The following NTN4 variants were observed in gnomAD, a reference collection of about 807,000 sequenced individuals.
NTN4 encodes netrin-4.
NTN4 carries 32 observed loss-of-function variants against 73.6 expected under a neutral mutation model. The observed-to-expected ratio is 0.44, with a 90% CI of 0.33 to 0.58. NTN4 has a LOEUF of 0.58. Ranked by LOEUF, NTN4 falls within the 20% of genes least tolerant of loss-of-function variation. The pLI is 0.04. For synonymous variants in NTN4, 258 were observed against 287.5 expected, an observed-to-expected ratio of 0.90 and a Z score of 1.04; for missense variants, 654 against 798.3, an observed-to-expected ratio of 0.82 and a Z score of 2.18.
intron 2 of NTN4, among the ~76,000 whole-genome samples, chr12:95,746,386 A>AC (rs138404936): frequency 2.2e-4 from 33 of 151,132 alleles, no homozygotes; most frequent in East Asian, 1.2e-3. Flanking sequence ...TTTTAACTAG[A>AC]CCCCCCCCTC....
chr12:95,734,675 T>C (rs1287845951), intron 3 of NTN4, among the ~76,000 whole-genome samples: 1 of 152,218 alleles, frequency 6.6e-6, no homozygotes, highest in East Asian at 1.9e-4. Context: ...TCTATGCCTA[T>C]GTTCCTAATA....
At chr12:95,721,944 T>C (rs974180677) in intron 3 of NTN4, among the ~76,000 whole-genome samples, 19 of 151,978 alleles carry the variant, frequency 1.3e-4, no homozygotes, top group Non-Finnish European at 1.9e-4. Flanking sequence ...ACACACACAC[T>C]CACACACAAA....
intron 5 of NTN4, among the ~76,000 whole-genome samples, chr12:95,691,842 T>A (rs967696769): frequency 7.9e-5 from 12 of 152,266 alleles, no homozygotes; most frequent in African/African-American, 2.9e-4. Flanking sequence ...TAACCAGGTA[T>A]ATTTAGAAGC....
At chr12:95,721,897 G>T (rs2078650505) in intron 3 of NTN4, among the ~76,000 whole-genome samples, 1 of 152,102 alleles carries the variant, frequency 6.6e-6, no homozygotes, top group South Asian at 2.1e-4. Context: ...AGAGTATTCA[G>T]AAGTGCAAGT....
chr12:95,707,735 T>G (rs554353135), intron 5 of NTN4, among the ~76,000 whole-genome samples: 3 of 152,178 alleles, frequency 2.0e-5, no homozygotes, highest in Admixed American at 6.5e-5. Flanking sequence ...TAGTAGGCGC[T>G]CAATAAAAGT....
intron 7 of NTN4, among the ~76,000 whole-genome samples, chr12:95,682,071 T>TTTTTTTTTTTTTTTTG: frequency 7.3e-6 from 1 of 136,302 alleles, no homozygotes. Context: ...TTTTTTTTTT[T>TTTTTTTTTTTTTTTTG]TTTTTTTTTG....
chr12:95,713,942 A>C (rs1220757740), intron 3 of NTN4, among the ~76,000 whole-genome samples: 1 of 152,146 alleles, frequency 6.6e-6, no homozygotes, highest in East Asian at 1.9e-4. Context: ...TCAATGCTAT[A>C]ATGAATATCA....
At chr12:95,701,269 A>T (rs547533167) in intron 5 of NTN4, among the ~76,000 whole-genome samples, 95 of 152,374 alleles carry the variant, frequency 6.2e-4, no homozygotes, top group African/African-American at 2.2e-3. Flanking sequence ...ACCTCAGTAC[A>T]CAGTGAGAAT....
chr12:95,700,819 T>TTC, intron 5 of NTN4, among the ~76,000 whole-genome samples: 32 of 146,476 alleles, frequency 2.2e-4, no homozygotes, highest in African/African-American at 7.8e-4. Context: ...TCTTTCTTTT[T>TTC]TTTTTTTTTT....
At chr12:95,761,285 A>G (rs1417520169) in intron 2 of NTN4, among the ~76,000 whole-genome samples, 1 of 149,942 alleles carries the variant, frequency 6.7e-6, no homozygotes, top group Non-Finnish European at 1.5e-5. Context: ...TTCTGTGCAT[A>G]GTAAAAGTGA....
chr12:95,763,626 C>T (rs1034478443), intron 2 of NTN4, among the ~76,000 whole-genome samples: 3 of 152,220 alleles, frequency 2.0e-5, no homozygotes, highest in East Asian at 1.9e-4. Flanking sequence ...CTCTGTAACT[C>T]GTAAGCACAT....
chr12:95,751,602 GCTCT>G (rs1226560280), intron 2 of NTN4, among the ~76,000 whole-genome samples: 1 of 151,978 alleles, frequency 6.6e-6, no homozygotes, highest in Non-Finnish European at 1.5e-5. Context: ...CTGGCCCAAG[GCTCT>G]CTGACTGACT....
intron 2 of NTN4, among the ~76,000 whole-genome samples, chr12:95,738,936 AC>A (rs2078802557): frequency 6.6e-6 from 1 of 151,816 alleles, no homozygotes; most frequent in African/African-American, 2.4e-5. Context: ...TGCTTAAACC[AC>A]CCCCACCTGA....
intron 2 of NTN4, among the ~76,000 whole-genome samples, chr12:95,774,298 ACT>A (rs1289395357): frequency 6.6e-6 from 1 of 151,766 alleles, no homozygotes; most frequent in Non-Finnish European, 1.5e-5. Context: ...CTATTATTTG[ACT>A]CTGTGTTATT....
intron 7 of NTN4, chr12:95,672,729 T>C: frequency 1.4e-6 from 2 of 1,410,056 alleles, no homozygotes; most frequent in Non-Finnish European, 2.0e-6. Context: ...ATCGTAGGTA[T>C]GCAGACCTCA....
At position 95,691,677 on chromosome 12, in the gene NTN4, G is replaced by T. The variant is rs181352662; in HGVS notation, c.1181-7966C>A. ...CCCAAAGTGTTGGGATTACAGGCGT[G>T]AGCCACCATGCCCGGCCTGTCTTCT... On this transcript the variant is annotated intron_variant, in intron 5 of 9. Coordinates refer to ENST00000343702, the MANE Select transcript of NTN4 (RefSeq NM_021229.4). Among the ~76,000 whole-genome samples, 3 of 152,270 alleles carry T rather than the reference G, an allele frequency of 2.0e-5. 1 individual carries two copies. Among genetic ancestry groups the T allele is most frequent in the Admixed American group, 2.0e-4 (3 of 15,290 alleles).
intron 2 of NTN4, among the ~76,000 whole-genome samples, chr12:95,747,879 T>A (rs2078873311): frequency 6.6e-6 from 1 of 152,072 alleles, no homozygotes; most frequent in Non-Finnish European, 1.5e-5. Flanking sequence ...TATCTTAATT[T>A]TTATGGTAAT....
Position 95,790,266 on chromosome 12 carries a change from A to T in NTN4, c.44T>A (p.Val15Glu). ...ARLLLLWGCT[V>E]VAAGLSGVAG... ...GCGTCACCACCCACCTGCGGCCACC[A>T]CCGTGCAGCCCCAGAGCAGCAGCAG... is the stretch of plus-strand genomic sequence containing the variant. Residue 15 changes from valine (V) to glutamate (E), a missense_variant, in exon 1 of 10, where the codon GTG (valine) becomes GAG (glutamate). Physicochemically the swap from Val to Glu is moderately radical, Grantham distance 121 (BLOSUM62 -2). Transcript: ENST00000343702. This position sits in a 1 kb window ranked among gnomAD's most constrained non-coding sequence, Gnocchi z 6.5. The T allele has an allele frequency of 4.6e-6, 7 of 1,536,086 alleles. No individual in the cohort carries two copies. The highest frequency in any genetic ancestry group is 6.1e-6 in the Non-Finnish European group (7 of 1,141,340).
intron 3 of NTN4, among the ~76,000 whole-genome samples, chr12:95,715,431 T>C (rs894481720): frequency 3.9e-5 from 6 of 152,208 alleles, no homozygotes; most frequent in Non-Finnish European, 7.3e-5. Flanking sequence ...ATGCAACTAA[T>C]ACTATAGATT....
Sources: allele counts gnomAD v4.1 joint callset (sites outside exome capture counted in the v4.1 genomes callset), GRCh38; gene constraint gnomAD v4.1.1; non-coding constraint Gnocchi (gnomAD v3.1); transcripts MANE v1.5; gene names NCBI Gene and HGNC (gene_info 2026-07-23, HGNC 2026-07-21).